Variants in CR1L observed in about 807,000 individuals in gnomAD.
The protein encoded by CR1L is complement C3b/C4b receptor 1 like.
A neutral mutation model predicts 62.3 loss-of-function variants in CR1L; 59 were observed. That is an observed-to-expected ratio of 0.95 (90% CI 0.77 to 1.18). The LOEUF (loss-of-function observed/expected upper bound fraction) is 1.18, where lower values mean the gene tolerates loss of function less well. Ranked by LOEUF, CR1L falls within the 50% of genes most tolerant of loss-of-function variation. CR1L has a pLI of 0.00. For missense variants in CR1L, 700 were observed against 702.8 expected, an observed-to-expected ratio of 1.00 and a Z score of 0.04; for synonymous variants, 279 against 248.7, an observed-to-expected ratio of 1.12 and a Z score of -1.15.
chr1:207,713,079 A>G (rs144864106), intron 10 of CR1L, among the ~76,000 whole-genome samples: 4,336 of 152,320 alleles, frequency 0.028, 87 homozygotes, highest in Non-Finnish European at 0.044. Flanking sequence ...TTTTGAAATA[A>G]GGGTAGGGAC....
At position 207,699,245 on chromosome 1, in the gene CR1L, T is replaced by G; in HGVS notation, c.1199T>G (p.Leu400Arg). Residue 400 changes from leucine to arginine, a missense_variant, in exon 8 of 12, where the codon CTT (leucine) becomes CGT (arginine). Coordinates refer to ENST00000508064, the MANE Select transcript of CR1L (RefSeq NM_175710.2). ...TGTGTTTTGGCTGGAATGGAAAGCC[T>G]TTGGAATAGCAGTGTTCCAGTGTGT... ...SYCVLAGMES[L>R]WNSSVPVCER... The G allele has an allele frequency of 6.2e-7, 1 of 1,613,832 alleles. No individual in the cohort carries two copies. Among genetic ancestry groups the G allele is most frequent in the East Asian group, 2.2e-5 (1 of 44,890 alleles).
chr1:207,722,543 T>C (rs1023201496), intron 11 of CR1L, among the ~76,000 whole-genome samples: 3 of 151,572 alleles, frequency 2.0e-5, no homozygotes, highest in Non-Finnish European at 2.9e-5. Flanking sequence ...TTCTGTTCCA[T>C]TGATCTATAT....
At chr1:207,717,788 G>A in intron 11 of CR1L, 97 bp downstream of exon 11, 1 of 1,464,422 alleles carries the variant, frequency 6.8e-7, no homozygotes, top group Non-Finnish European at 9.4e-7. Flanking sequence ...TTGTGAAAAT[G>A]GCTTTGCTGT....
intron 1 of CR1L, among the ~76,000 whole-genome samples, chr1:207,662,775 GT>G (rs1663445560): frequency 6.6e-6 from 1 of 152,128 alleles, no homozygotes; most frequent in African/African-American, 2.4e-5. Flanking sequence ...CATCTTTGTA[GT>G]TTTATCTACC....
chr1:207,667,351 A>G (rs550873995), intron 1 of CR1L, among the ~76,000 whole-genome samples: 144 of 152,344 alleles, frequency 9.5e-4, no homozygotes, highest in African/African-American at 3.3e-3. Flanking sequence ...GCTCCAGTGG[A>G]GAACCTGTTT....
rs12084490 is a variant in CR1L at position 207,655,195 on chromosome 1, A to G, written c.97+9865A>G. On this transcript the variant is annotated intron_variant, in intron 1 of 11. Transcript: ENST00000508064. ...CCCTTTCTTTTCCCATTTAGTTATT[A>G]CTTAATTGGTAAAGAAATTCTATAT... The G allele has an allele frequency of 2.2e-3, 1,401 of 631,796 alleles. 15 individuals carry two copies. The African/African-American group carries it at 0.023, about 10-fold the overall frequency. 39.1% of individuals were successfully genotyped at this position (631,796 alleles called of 1,614,324 possible).
At chr1:207,697,905 T>C in intron 7 of CR1L, 32 bp downstream of exon 7, 1 of 1,613,380 alleles carries the variant, frequency 6.2e-7, no homozygotes, top group African/African-American at 1.3e-5. Context: ...CTGCTGGACA[T>C]TGAAATTGGG....
At chr1:207,685,437 T>C (rs1321500944) in intron 4 of CR1L, among the ~76,000 whole-genome samples, 2 of 152,254 alleles carry the variant, frequency 1.3e-5, no homozygotes, top group Non-Finnish European at 2.9e-5. Flanking sequence ...CTTATGCTTA[T>C]ACAAATCAAA....
intron 1 of CR1L, among the ~76,000 whole-genome samples, chr1:207,667,119 C>G (rs564331663): frequency 6.6e-6 from 1 of 152,254 alleles, no homozygotes; most frequent in African/African-American, 2.4e-5. Context: ...ATGCCCACAT[C>G]TTTCTCAGTT....
chr1:207,655,160 A>G, intron 1 of CR1L: 1 of 531,606 alleles, frequency 1.9e-6, no homozygotes, highest in Non-Finnish European at 3.5e-6. Context: ...ATTGCTATAC[A>G]AAACAGTAAC....
intron 10 of CR1L, among the ~76,000 whole-genome samples, chr1:207,712,879 C>A (rs1288375846): frequency 6.6e-6 from 1 of 152,160 alleles, no homozygotes; most frequent in African/African-American, 2.4e-5. Context: ...GAGTGTGACC[C>A]AGTGTTGAGA....
chr1:207,680,626 G>A (rs963789485), intron 3 of CR1L, among the ~76,000 whole-genome samples: 1 of 151,978 alleles, frequency 6.6e-6, no homozygotes, highest in Non-Finnish European at 1.5e-5. Context: ...TAAATCATTC[G>A]AACTTAAAAC....
chr1:207,698,029 G>A (rs1411897308), intron 7 of CR1L, among the ~76,000 whole-genome samples, 156 bp downstream of exon 7: 3 of 151,862 alleles, frequency 2.0e-5, no homozygotes, highest in Non-Finnish European at 2.9e-5. Context: ...AGTATATATA[G>A]GAAGAAAGGA....
intron 1 of CR1L, among the ~76,000 whole-genome samples, chr1:207,649,312 G>C (rs1455719091): frequency 6.6e-6 from 1 of 152,134 alleles, no homozygotes; most frequent in South Asian, 2.1e-4. Context: ...TGGCAGAGTA[G>C]GGTAAAGGAG....
chr1:207,645,412 G>A, intron 1 of CR1L, 82 bp downstream of exon 1: 2 of 1,465,074 alleles, frequency 1.4e-6, no homozygotes, highest in Non-Finnish European at 1.9e-6. Flanking sequence ...GCGGGGCGAA[G>A]CTCACTGCAC....
intron 3 of CR1L, among the ~76,000 whole-genome samples, chr1:207,680,775 G>C (rs1487921345): frequency 6.6e-6 from 1 of 152,216 alleles, no homozygotes; most frequent in Non-Finnish European, 1.5e-5. Context: ...AATGGCGCCA[G>C]AGATAAGACC....
chr1:207,645,646 G>C (rs569616601), intron 1 of CR1L, among the ~76,000 whole-genome samples: 42 of 152,282 alleles, frequency 2.8e-4, no homozygotes, highest in African/African-American at 9.6e-4. Context: ...CTTACTGGGC[G>C]CCCCAGGTGA....
chr1:207,701,703 C>T, intron 9 of CR1L, 85 bp downstream of exon 9: 1 of 1,536,182 alleles, frequency 6.5e-7, no homozygotes, highest in Non-Finnish European at 9.0e-7. Context: ...GGAAACTAGG[C>T]TGTTGCCACC....
chr1:207,681,968 G>T (rs1663805710), intron 3 of CR1L, among the ~76,000 whole-genome samples: 1 of 151,976 alleles, frequency 6.6e-6, no homozygotes, highest in South Asian at 2.1e-4. Context: ...GACACAGGGA[G>T]GGGAGCATCA....
Sources: gnomAD v4.1 joint callset for allele counts (sites outside exome capture counted in the v4.1 genomes callset) on GRCh38, gnomAD v4.1.1 for gene constraint, MANE v1.5 for transcripts, NCBI Gene and HGNC (gene_info 2026-07-23, HGNC 2026-07-21) for gene names.